The following NRP2 variants were observed in gnomAD, a reference collection of about 807,000 sequenced individuals.
The protein encoded by NRP2 is neuropilin 2.
NRP2 carries 52 observed loss-of-function variants against 110.4 expected under a neutral mutation model. That is an observed-to-expected ratio of 0.47 (90% confidence interval 0.38 to 0.59). The LOEUF (loss-of-function observed/expected upper bound fraction) is 0.59, where lower values mean the gene tolerates loss of function less well. NRP2 is among the 20% of genes least tolerant of loss of function. The pLI is 0.00. For missense variants in NRP2, 1,049 were observed against 1,203.0 expected, an observed-to-expected ratio of 0.87 and a Z score of 1.89; for synonymous variants, 508 against 468.9, an observed-to-expected ratio of 1.08 and a Z score of -1.08.
At chr2:205,731,773 T>G (rs995856327) in intron 7 of NRP2, among the ~76,000 whole-genome samples, 2 of 152,232 alleles carry the variant, frequency 1.3e-5, no homozygotes, top group Non-Finnish European at 2.9e-5. Flanking sequence ...AAGATAGGGA[T>G]GAGGTAAGAC....
At chr2:205,699,800 C>A (rs138358012) in intron 2 of NRP2, among the ~76,000 whole-genome samples, 8 of 152,220 alleles carry the variant, frequency 5.3e-5, no homozygotes, top group Admixed American at 5.2e-4. Context: ...ATTCCATGAC[C>A]TCATGTGTCT....
chr2:205,790,408 T>C (rs918302494), intron 15 of NRP2, among the ~76,000 whole-genome samples: 1 of 152,214 alleles, frequency 6.6e-6, no homozygotes, highest in Non-Finnish European at 1.5e-5. Flanking sequence ...GGGTGTGAGA[T>C]GGAGCAAGAT....
At chr2:205,749,389 T>C (rs756291287) in intron 10 of NRP2, among the ~76,000 whole-genome samples, 5 of 152,098 alleles carry the variant, frequency 3.3e-5, no homozygotes, top group Non-Finnish European at 5.9e-5. Context: ...TGAGCCAGAG[T>C]GTGCTTTGGT....
chr2:205,715,524 G>A (rs1048837472), intron 2 of NRP2, among the ~76,000 whole-genome samples: 2 of 152,154 alleles, frequency 1.3e-5, no homozygotes, highest in East Asian at 3.9e-4. Flanking sequence ...ATGTTGACTA[G>A]ACACTGCTGA....
chr2:205,765,137 C>T (rs1482378190), intron 13 of NRP2, among the ~76,000 whole-genome samples: 1 of 152,114 alleles, frequency 6.6e-6, no homozygotes, highest in Non-Finnish European at 1.5e-5. Context: ...ACAGGAACCT[C>T]GAAAATAGTG....
At chr2:205,740,396 A>G (rs2057418984) in intron 7 of NRP2, 123 bp from the exon 8 acceptor site, 1 of 1,007,530 alleles carries the variant, frequency 9.9e-7, no homozygotes, top group Non-Finnish European at 1.6e-6. Context: ...ATACCCACTG[A>G]TTATTTTTAA....
intron 6 of NRP2, 27 bp from the exon 7 acceptor site, chr2:205,727,864 C>A (rs2057158435): frequency 6.2e-7 from 1 of 1,603,344 alleles, no homozygotes; most frequent in South Asian, 1.1e-5. Context: ...GAATGGTGGT[C>A]TCTTACTCCA....
chr2:205,758,518 G>C (rs72941263), intron 12 of NRP2, among the ~76,000 whole-genome samples: 8,982 of 152,242 alleles, frequency 0.059, 497 homozygotes, highest in African/African-American at 0.15. Flanking sequence ...GACCTTTCCA[G>C]AGACAGCAGC....
At chr2:205,710,181 G>A (rs1329504283) in intron 2 of NRP2, among the ~76,000 whole-genome samples, 5 of 152,162 alleles carry the variant, frequency 3.3e-5, no homozygotes, top group Non-Finnish European at 7.3e-5. Flanking sequence ...TTGTGCTATG[G>A]CAATCCGGTA....
chr2:205,776,334 C>CG, intron 15 of NRP2: 1 of 1,612,970 alleles, frequency 6.2e-7, no homozygotes, highest in Non-Finnish European at 8.5e-7. Flanking sequence ...TAATGGCCGC[C>CG]GGGGGCGCCG....
intron 3 of NRP2, chr2:205,722,145 C>CCTCTCT (rs140982811): frequency 7.0e-4 from 155 of 221,204 alleles, no homozygotes; most frequent in African/African-American, 1.3e-3. Flanking sequence ...CAAGAGAATC[C>CCTCTCT]CTCTCTCTCT....
rs568948579 is a variant in NRP2, at chr2:205,725,509, G to T, written c.821-404G>T. Reference sequence around the variant, plus strand: ...AGAAAGAAGCAAAAGTGCCTCCTGGGTGTTTATTAATAAAGCAGGCTTCCC... The same window carrying T: ...AGAAAGAAGCAAAAGTGCCTCCTGGTTGTTTATTAATAAAGCAGGCTTCCC... On this transcript the variant is annotated intron_variant, in intron 5 of 16. Coordinates refer to ENST00000357785, the MANE Select transcript of NRP2 (RefSeq NM_003872.3). The surrounding 1 kb of genome is among the most constrained non-coding windows in gnomAD (Gnocchi z 4.1). Among the ~76,000 whole-genome samples the T allele has an allele frequency of 3.3e-5, 5 of 152,270 alleles. No homozygotes were observed. Among genetic ancestry groups the T allele is most frequent in the African/African-American group, 1.2e-4 (5 of 41,544 alleles).
chr2:205,767,409 A>G (rs1307902303), intron 15 of NRP2: 6 of 517,394 alleles, frequency 1.2e-5, no homozygotes, highest in Non-Finnish European at 1.9e-5. Flanking sequence ...GAGTTGCCAC[A>G]TTTAGGACCC....
At chr2:205,772,332 T>C (rs2058035562) in intron 15 of NRP2, among the ~76,000 whole-genome samples, 1 of 152,242 alleles carries the variant, frequency 6.6e-6, no homozygotes, top group Non-Finnish European at 1.5e-5. Context: ...CACTACCTCA[T>C]GTGTAACTGT....
intron 8 of NRP2, 70 bp downstream of exon 8, chr2:205,740,733 GCAAA>G (rs1421279171): frequency 1.3e-6 from 2 of 1,569,910 alleles, no homozygotes; most frequent in African/African-American, 1.3e-5. Flanking sequence ...TCAACTCTCT[GCAAA>G]CAGCATGACT....
chr2:205,693,818 A>G (rs138963037), intron 1 of NRP2, among the ~76,000 whole-genome samples: 1 of 152,352 alleles, frequency 6.6e-6, no homozygotes, highest in African/African-American at 2.4e-5. Context: ...CAGTTCAACT[A>G]AAGCGAGGGA....
At chr2:205,720,259 T>C (rs1322567666) in intron 3 of NRP2, among the ~76,000 whole-genome samples, 2 of 109,562 alleles carry the variant, frequency 1.8e-5, no homozygotes, top group African/African-American at 9.5e-5. Context: ...TGCTTTTTTC[T>C]TTCTTTTTTT....
intron 1 of NRP2, among the ~76,000 whole-genome samples, chr2:205,687,191 A>G (rs1201732215): frequency 6.6e-6 from 1 of 152,084 alleles, no homozygotes; most frequent in Non-Finnish European, 1.5e-5. Context: ...ATCAGATAAG[A>G]GGTGTAAATT....
At chr2:205,727,740 A>C in intron 6 of NRP2, 151 bp from the exon 7 acceptor site, 2 of 717,156 alleles carry the variant, frequency 2.8e-6, no homozygotes, top group Non-Finnish European at 4.5e-6. Flanking sequence ...CGTCCAATGG[A>C]ATTGCAAACT....
Sources: gnomAD v4.1 joint callset for allele counts (sites outside exome capture counted in the v4.1 genomes callset) on GRCh38, gnomAD v4.1.1 for gene constraint, Gnocchi (gnomAD v3.1) non-coding constraint, MANE v1.5 for transcripts, NCBI Gene and HGNC (gene_info 2026-07-23, HGNC 2026-07-21) for gene names.